IMMP2L: variants seen among roughly 807,000 people sequenced by gnomAD.
IMMP2L encodes the protein inner mitochondrial membrane peptidase subunit 2.
In IMMP2L, 18 loss-of-function variants were observed where a neutral mutation model predicts 19.3. That is an observed-to-expected ratio of 0.93 (90% confidence interval 0.64 to 1.38). The LOEUF is 1.38. IMMP2L is among the 40% of genes most tolerant of loss of function. IMMP2L has a pLI of 0.00. For synonymous variants in IMMP2L, 76 were observed against 73.0 expected, an observed-to-expected ratio of 1.04 and a Z score of -0.21; for missense variants, 233 against 218.2, an observed-to-expected ratio of 1.07 and a Z score of -0.43.
intron 2 of IMMP2L, among the ~76,000 whole-genome samples, chr7:111,489,036 CTT>C (rs35930780): frequency 2.3e-5 from 2 of 87,178 alleles, no homozygotes; most frequent in South Asian, 3.5e-4. Flanking sequence ...CCTCAATCCA[CTT>C]TTTTTTTTTT....
At chr7:111,032,484 G>C (rs940342370) in intron 3 of IMMP2L, among the ~76,000 whole-genome samples, 2 of 152,156 alleles carry the variant, frequency 1.3e-5, no homozygotes, top group East Asian at 3.9e-4. Context: ...AATATAAAAA[G>C]AGCTGTTAAA....
intron 5 of IMMP2L, among the ~76,000 whole-genome samples, chr7:110,829,686 A>G (rs1342191252): frequency 6.6e-6 from 1 of 152,202 alleles, no homozygotes; most frequent in Non-Finnish European, 1.5e-5. Context: ...TTAATGTTAT[A>G]CTTTCCTTTT....
chr7:110,962,991 C>A, intron 4 of IMMP2L: 1 of 1,492,154 alleles, frequency 6.7e-7, no homozygotes, highest in Middle Eastern at 1.7e-4. Context: ...CTAAAGGCTG[C>A]TTAAACACCT....
intron 3 of IMMP2L, among the ~76,000 whole-genome samples, chr7:111,375,732 C>T (rs1191732575): frequency 6.6e-6 from 1 of 151,980 alleles, no homozygotes; most frequent in African/African-American, 2.4e-5. Flanking sequence ...CCATGTTGGC[C>T]AGGCTCATCT....
intron 5 of IMMP2L, among the ~76,000 whole-genome samples, chr7:110,765,733 A>G (rs1206812823): frequency 6.6e-6 from 1 of 152,196 alleles, no homozygotes; most frequent in Non-Finnish European, 1.5e-5. Context: ...ACATTGTGAA[A>G]TGATCAAATT....
chr7:111,186,279 G>A (rs111226283), intron 3 of IMMP2L, among the ~76,000 whole-genome samples: 120 of 152,200 alleles, frequency 7.9e-4, no homozygotes, highest in East Asian at 4.3e-3. Flanking sequence ...TATATGCTGC[G>A]GGCATGTGAT....
chr7:111,004,460 T>C (rs1000177806), intron 3 of IMMP2L, among the ~76,000 whole-genome samples: 1 of 152,198 alleles, frequency 6.6e-6, no homozygotes, highest in East Asian at 1.9e-4. Flanking sequence ...ACAACACACC[T>C]AGCCTGTTTA....
At chr7:110,722,103 C>G (rs1218122401) in intron 5 of IMMP2L, among the ~76,000 whole-genome samples, 4 of 151,740 alleles carry the variant, frequency 2.6e-5, no homozygotes, top group Non-Finnish European at 5.9e-5. Context: ...AAGACATTTC[C>G]AGGATGAACT....
At chr7:111,043,778 G>A (rs1220462279) in intron 3 of IMMP2L, among the ~76,000 whole-genome samples, 1 of 152,162 alleles carries the variant, frequency 6.6e-6, no homozygotes, top group Non-Finnish European at 1.5e-5. Flanking sequence ...TACTAGACAA[G>A]AAAGTAGCTT....
intron 5 of IMMP2L, among the ~76,000 whole-genome samples, chr7:110,718,913 CA>C (rs1358094371): frequency 6.6e-6 from 1 of 152,122 alleles, no homozygotes; most frequent in East Asian, 1.9e-4. Flanking sequence ...CACTGGAATA[CA>C]CAAATGAGGC....
chr7:110,886,501 T>G, intron 5 of IMMP2L, 92 bp downstream of exon 5: 1 of 736,646 alleles, frequency 1.4e-6, no homozygotes, highest in South Asian at 1.6e-5. Context: ...ATGATCAGTC[T>G]TGGCTGAGTT....
intron 5 of IMMP2L, among the ~76,000 whole-genome samples, chr7:110,756,247 G>A (rs1425342323): frequency 6.6e-6 from 1 of 152,090 alleles, no homozygotes; most frequent in Non-Finnish European, 1.5e-5. Flanking sequence ...GAGGAAAAGA[G>A]AGAAGCCACC....
intron 3 of IMMP2L, among the ~76,000 whole-genome samples, chr7:111,311,468 C>T (rs1823509594): frequency 1.3e-5 from 2 of 152,106 alleles, no homozygotes; most frequent in South Asian, 2.1e-4. Flanking sequence ...ATGGTAATCC[C>T]TGAAATAACT....
chr7:111,549,576 C>CA, intron 1 of IMMP2L, among the ~76,000 whole-genome samples: 1 of 152,214 alleles, frequency 6.6e-6, no homozygotes, highest in South Asian at 2.1e-4. Flanking sequence ...AGACAGGTCT[C>CA]AAAAAATCTT....
Position 110,766,226 on chromosome 7 carries a change from G to A in IMMP2L, c.409-102505C>T, listed in dbSNP as rs187477356. ...TACAATCTAAAGATAGACTATTTCT[G>A]ACTAATTTCTGGCTCTTAATAAACT... is the stretch of plus-strand genomic sequence containing the variant. On this transcript the variant is annotated intron_variant, in intron 5 of 5. Coordinates refer to ENST00000405709, the MANE Select transcript of IMMP2L (RefSeq NM_032549.4). 4.1e-3 allele frequency among the ~76,000 whole-genome samples: 621 copies of A among 152,174 alleles called. 4 individuals are homozygous for A. The highest frequency in any genetic ancestry group is 0.01 in the Middle Eastern group (3 of 294).
chr7:110,869,373 G>A (rs1179782666), intron 5 of IMMP2L, among the ~76,000 whole-genome samples: 3 of 152,090 alleles, frequency 2.0e-5, no homozygotes, highest in African/African-American at 4.8e-5. Flanking sequence ...CAATAGAAAC[G>A]AGAACGTCTA....
intron 1 of IMMP2L, among the ~76,000 whole-genome samples, chr7:111,524,756 G>C (rs547391482): frequency 1.3e-5 from 2 of 152,154 alleles, no homozygotes; most frequent in South Asian, 2.1e-4. Context: ...ACTAGATTAA[G>C]AAAAAGTATC....
At chr7:111,165,269 C>A (rs1388851661) in intron 3 of IMMP2L, among the ~76,000 whole-genome samples, 2 of 152,032 alleles carry the variant, frequency 1.3e-5, no homozygotes, top group East Asian at 3.9e-4. Flanking sequence ...TTTTTTAAAG[C>A]TGAATGACAG....
At chr7:111,515,016 T>C (rs556725373) in intron 2 of IMMP2L, among the ~76,000 whole-genome samples, 4 of 152,304 alleles carry the variant, frequency 2.6e-5, no homozygotes, top group African/African-American at 9.6e-5. Context: ...ATTTAGTATC[T>C]GATAGCTCCA....
Sources: allele counts gnomAD v4.1 joint callset (sites outside exome capture counted in the v4.1 genomes callset), GRCh38; gene constraint gnomAD v4.1.1; transcripts MANE v1.5; gene names NCBI Gene and HGNC (gene_info 2026-07-23, HGNC 2026-07-21).